Variants in PPM1H observed in about 807,000 individuals in gnomAD.
The protein encoded by PPM1H is protein phosphatase 1H.
In PPM1H, 27 loss-of-function variants were observed where a neutral mutation model predicts 54.9. The observed-to-expected ratio is 0.49, with a 90% CI of 0.36 to 0.68. The LOEUF is 0.68. Ranked by LOEUF, PPM1H falls within the 30% of genes least tolerant of loss-of-function variation. PPM1H has a pLI of 0.00. For missense variants in PPM1H, 596 were observed against 667.8 expected, an observed-to-expected ratio of 0.89 and a Z score of 1.19; for synonymous variants, 305 against 270.8, an observed-to-expected ratio of 1.13 and a Z score of -1.24.
chr12:62,737,222 A>C (rs2076354367), intron 5 of PPM1H, among the ~76,000 whole-genome samples: 1 of 151,268 alleles, frequency 6.6e-6, no homozygotes, highest in Non-Finnish European at 1.5e-5. Context: ...GCCATTAAAA[A>C]AAAAAAAAAA....
intron 6 of PPM1H, among the ~76,000 whole-genome samples, chr12:62,701,396 A>T (rs2120379658): frequency 6.6e-6 from 1 of 152,340 alleles, no homozygotes; most frequent in South Asian, 2.1e-4. Context: ...AGCAGCAGTT[A>T]TAGGACTTCT....
chr12:62,685,860 C>G (rs757055954), intron 8 of PPM1H, among the ~76,000 whole-genome samples: 3 of 151,994 alleles, frequency 2.0e-5, no homozygotes, highest in Non-Finnish European at 4.4e-5. Context: ...TATATCAAAA[C>G]GTTACACTAT....
intron 4 of PPM1H, among the ~76,000 whole-genome samples, chr12:62,761,954 A>T (rs1480820879): frequency 1.3e-5 from 2 of 152,174 alleles, no homozygotes; most frequent in African/African-American, 2.4e-5. Context: ...AGGACCTGCC[A>T]TCTGTGGCCT....
intron 1 of PPM1H, among the ~76,000 whole-genome samples, chr12:62,832,748 G>C (rs1391127211): frequency 6.6e-6 from 1 of 152,130 alleles, no homozygotes. Flanking sequence ...AAATCCAAGA[G>C]AACAGAGAAC....
intron 2 of PPM1H, among the ~76,000 whole-genome samples, chr12:62,819,130 C>CTT (rs34661742): frequency 3.2e-4 from 36 of 113,820 alleles, no homozygotes; most frequent in South Asian, 5.6e-4. Flanking sequence ...CAAAACATTG[C>CTT]TTTTTTTTTT....
At position 62,815,559 on chromosome 12, in the gene PPM1H, A is replaced by G. The variant is rs117279186; in HGVS notation, c.412-13399T>C. On this transcript the variant is annotated intron_variant, in intron 2 of 9. Transcript: ENST00000228705. ...CCCTAAATTAGTTTATGGAAAAAAC[A>G]TAAGTACTGTGAAATAATACTGAAG... Among the ~76,000 whole-genome samples, 406 of 152,354 alleles carry G rather than the reference A, an allele frequency of 2.7e-3. 1 individual carries two copies. The highest frequency in any genetic ancestry group is 0.01 in the Middle Eastern group (3 of 294).
chr12:62,668,831 C>A (rs551327698), intron 8 of PPM1H, among the ~76,000 whole-genome samples: 15 of 152,338 alleles, frequency 9.8e-5, no homozygotes, highest in Middle Eastern at 3.4e-3. Context: ...GAAAGCCAAG[C>A]CTCCTATGTT....
At position 62,890,705 on chromosome 12, in the gene PPM1H, C is replaced by T. The variant is rs1478634798; in HGVS notation, c.245+43787G>A. Among the ~76,000 whole-genome samples the T allele has an allele frequency of 9.0e-5, 12 of 133,424 alleles. No individual in the cohort carries two copies. The Admixed American group carries it at 9.1e-4, about 10-fold the overall frequency. The allele number at this position is 133,424 out of a possible 152,430, so 87.5% of individuals were successfully genotyped here. The stretch of plus-strand genomic sequence containing the variant: ...ATTGGGAATATATATAATATCATTT[C>T]GTGTGTGTGTATACACACACACACA... On this transcript the variant is annotated intron_variant, in intron 1 of 9. Coordinates refer to ENST00000228705, the MANE Select transcript of PPM1H (RefSeq NM_020700.2).
chr12:62,807,298 G>C lies in PPM1H; in HGVS notation c.412-5138C>G, dbSNP rs559719356. Among the ~76,000 whole-genome samples the C allele has an allele frequency of 7.2e-5, 11 of 152,332 alleles. No individual in the cohort carries two copies. In the East Asian group the frequency reaches 2.1e-3, roughly 29 times the overall value. On this transcript the variant is annotated intron_variant, in intron 2 of 9. Transcript: ENST00000228705. ...TTTATGTTTTTAAAAGATCACTCAAGCTATTCTGTGAGATTAGAAAAGAAA... is the reference window on the plus strand; with the variant it reads ...TTTATGTTTTTAAAAGATCACTCAACCTATTCTGTGAGATTAGAAAAGAAA...
At chr12:62,720,359 A>T (rs2076257109) in intron 5 of PPM1H, 70 bp from the exon 6 acceptor site, 1 of 1,260,278 alleles carries the variant, frequency 7.9e-7, no homozygotes, top group Non-Finnish European at 1.1e-6. Flanking sequence ...AGAATCAAGG[A>T]TGTTTTGCAA....
At chr12:62,771,295 GACACACACAC>G (rs4026219) in intron 4 of PPM1H, among the ~76,000 whole-genome samples, 2,104 of 131,950 alleles carry the variant, frequency 0.016, 14 homozygotes, top group South Asian at 0.022. Flanking sequence ...ACTTTGTGAA[GACACACACAC>G]ACACACACAC....
At chr12:62,670,725 T>C (rs941599186) in intron 8 of PPM1H, among the ~76,000 whole-genome samples, 15 of 152,218 alleles carry the variant, frequency 9.9e-5, no homozygotes, top group African/African-American at 3.6e-4. Context: ...GGCTCCCTAA[T>C]GTAGTTTAAT....
At chr12:62,815,135 C>T (rs1415070958) in intron 2 of PPM1H, among the ~76,000 whole-genome samples, 1 of 152,132 alleles carries the variant, frequency 6.6e-6, no homozygotes. Flanking sequence ...CGTTCTATTG[C>T]TGTCCACATG....
At position 62,691,146 on chromosome 12, in the gene PPM1H, T is replaced by A. The variant is rs138081051; in HGVS notation, c.1138-1340A>T. 8.8e-3 allele frequency among the ~76,000 whole-genome samples: 1,344 copies of A among 152,060 alleles called. 13 individuals carry two copies. Among genetic ancestry groups the A allele is most frequent in the Middle Eastern group, 0.024 (7 of 294 alleles). On this transcript the variant is annotated intron_variant, in intron 7 of 9. Transcript: ENST00000228705. Reference sequence around the variant, plus strand: ...TACTGAGAAGGCTCCACGGAGGAGGTGGCACTTAGCACAGAAAGGTGGATT... The same window carrying A: ...TACTGAGAAGGCTCCACGGAGGAGGAGGCACTTAGCACAGAAAGGTGGATT...
At chr12:62,884,353 T>A (rs744476) in intron 1 of PPM1H, among the ~76,000 whole-genome samples, 7,700 of 131,588 alleles carry the variant, frequency 0.059, 585 homozygotes, top group African/African-American at 0.19. Flanking sequence ...AAAAAAAAAA[T>A]AGTCAGGCAT....
intron 1 of PPM1H, among the ~76,000 whole-genome samples, chr12:62,835,383 C>T (rs1044075723): frequency 2.6e-5 from 4 of 152,234 alleles, no homozygotes; most frequent in Non-Finnish European, 5.9e-5. Flanking sequence ...TAAATGCGAA[C>T]ACACTTGGGA....
chr12:62,891,545 T>C (rs921465942), intron 1 of PPM1H, among the ~76,000 whole-genome samples: 1 of 152,254 alleles, frequency 6.6e-6, no homozygotes, highest in African/African-American at 2.4e-5. Flanking sequence ...TTAACTCAGA[T>C]GCTAATGTCC....
intron 4 of PPM1H, among the ~76,000 whole-genome samples, chr12:62,748,896 G>T (rs2076426818): frequency 6.6e-6 from 1 of 152,126 alleles, no homozygotes; most frequent in African/African-American, 2.4e-5. Context: ...TAACAAAAAG[G>T]GTCAGAATCA....
intron 1 of PPM1H, among the ~76,000 whole-genome samples, chr12:62,932,668 C>T (rs1175814159): frequency 2.6e-5 from 2 of 78,164 alleles, no homozygotes; most frequent in African/African-American, 4.6e-5. Flanking sequence ...GAGTTTCGCT[C>T]TTGTTGCCCA....
Sources: gnomAD v4.1 joint callset for allele counts (sites outside exome capture counted in the v4.1 genomes callset) on GRCh38, gnomAD v4.1.1 for gene constraint, MANE v1.5 for transcripts, NCBI Gene and HGNC (gene_info 2026-07-23, HGNC 2026-07-21) for gene names.